The following NOTO variants were observed in gnomAD, a reference collection of about 807,000 sequenced individuals.
NOTO encodes homeobox protein notochord.
A neutral mutation model predicts 20.5 loss-of-function variants in NOTO; 19 were observed. That is an observed-to-expected ratio of 0.93 (90% CI 0.65 to 1.36). The LOEUF is 1.36. Ranked by LOEUF, NOTO falls within the 40% of genes most tolerant of loss-of-function variation. The pLI, the probability that NOTO is intolerant of heterozygous loss-of-function variation, is 0.00. For synonymous variants in NOTO, 150 were observed against 150.2 expected (o/e 1.00, Z 0.01); for missense variants, 369 against 336.2 (o/e 1.10, Z -0.76).
Position 73,202,866 on chromosome 2 carries a change from A to T in NOTO, c.200A>T (p.Gln67Leu), listed in dbSNP as rs981530876. The T allele has an allele frequency of 9.2e-6, 14 of 1,526,504 alleles. No homozygotes were observed. Among genetic ancestry groups the T allele is most frequent in the Non-Finnish European group, 1.2e-5 (14 of 1,142,226 alleles). 94.6% of individuals were successfully genotyped at this position (1,526,504 alleles called of 1,614,324 possible). A position where few individuals can be genotyped will look rare whatever the true frequency, so the allele number is the denominator to read the frequency against. The change falls in exon 1 of 3, where the codon CAG becomes CTG. Residue 67 changes from glutamine to leucine, a missense_variant. Gln to Leu is a moderately radical substitution (Grantham distance 113). Transcript: ENST00000398468. The stretch of plus-strand genomic sequence containing the variant: ...GACCCCTGCGCGCCGGCGGCCTCCC[A>T]GCCGTCGGGCTCCGCCTGCGTCCAC... ...RPDPCAPAASQPSGSACVHPA... is the reference protein window; with the variant it reads ...RPDPCAPAASLPSGSACVHPA...
intron 1 of NOTO, among the ~76,000 whole-genome samples, chr2:73,206,897 C>T (rs535679705): frequency 2.5e-4 from 37 of 149,572 alleles, no homozygotes; most frequent in African/African-American, 8.1e-4. Context: ...CAGGTTCAAG[C>T]GATTCTCCTG....
intron 1 of NOTO, among the ~76,000 whole-genome samples, chr2:73,206,432 G>A (rs1308566424): frequency 2.0e-5 from 3 of 152,162 alleles, no homozygotes; most frequent in Middle Eastern, 3.4e-3. Context: ...TCTGCCTCCC[G>A]AGCTCAAGTG....
Position 73,208,515 on chromosome 2 carries a change from G to A in NOTO, c.498G>A (p.Glu166=), listed in dbSNP as rs1340338495. ...QKRVRTMFNL[E]QLEELEKVFA... is the part of the protein sequence containing the mutation. ...GAGTCCGAACTATGTTTAACTTGGA[G>A]CAGCTGGAAGAGTTGGAGAAAGTGT... Residue 166 remains glutamate (E), a synonymous_variant, in exon 2 of 3, where the codon GAG becomes GAA. Coordinates refer to ENST00000398468, the MANE Select transcript of NOTO (RefSeq NM_001134462.2). The A allele has an allele frequency of 4.5e-6, 7 of 1,551,478 alleles. No individual in the cohort carries two copies. The Admixed American group carries it at 1.2e-4, about 26-fold the overall frequency.
rs1307841794 is a variant in NOTO at position 73,208,487 on chromosome 2, A to G, written c.470A>G (p.Lys157Arg). The G allele has an allele frequency of 6.4e-7, 1 of 1,551,602 alleles. No individual in the cohort carries two copies. Among genetic ancestry groups the G allele is most frequent in the Admixed American group, 2.0e-5 (1 of 51,012 alleles). The change falls in exon 2 of 3, where the codon AAG becomes AGG. Residue 157 changes from lysine to arginine, a missense_variant. Coordinates refer to ENST00000398468, the MANE Select transcript of NOTO (RefSeq NM_001134462.2). ...CTACAGGACACTGAGAGACAGCAAA[A>G]GAGAGTCCGAACTATGTTTAACTTG... is the stretch of plus-strand genomic sequence containing the variant. ...EDLQDTERQQ[K>R]RVRTMFNLEQ... is the part of the protein sequence containing the mutation.
chr2:73,208,656 G>T (rs1322401761), intron 2 of NOTO, 42 bp downstream of exon 2: 2 of 1,290,786 alleles, frequency 1.5e-6, no homozygotes, highest in Admixed American at 2.0e-5. Context: ...TGCACCTGGG[G>T]ACAAACACTA....
At chr2:73,206,562 C>T (rs1471428796) in intron 1 of NOTO, among the ~76,000 whole-genome samples, 1 of 152,054 alleles carries the variant, frequency 6.6e-6, no homozygotes, top group African/African-American at 2.4e-5. Context: ...TGGTCTCAAA[C>T]TCCTGGGCTC....
chr2:73,208,031 G>C (rs948984506), intron 1 of NOTO, among the ~76,000 whole-genome samples: 3 of 152,218 alleles, frequency 2.0e-5, no homozygotes, highest in Non-Finnish European at 4.4e-5. Context: ...AATTAAAAGG[G>C]TGAACCCCTG....
chr2:73,208,378 C>T, intron 1 of NOTO, 22 bp from the exon 2 acceptor site: 1 of 1,526,606 alleles, frequency 6.6e-7, no homozygotes, highest in Non-Finnish European at 8.9e-7. Context: ...GATAACCTCC[C>T]CTGCTGCTGG....
chr2:73,204,098 CA>C lies in NOTO; in HGVS notation c.382+1071del, dbSNP rs1189040660. ...TGGGCGACAGAGCGAAACTCCGTCT[CA>C]AAAAAAAAAAAAAAAAAAAAGACAA... On this transcript the variant is annotated intron_variant, in intron 1 of 2. Coordinates refer to ENST00000398468, the MANE Select transcript of NOTO (RefSeq NM_001134462.2). 9.3e-3 allele frequency among the ~76,000 whole-genome samples: 255 copies of C among 27,368 alleles called. 2 individuals are homozygous for C. Among genetic ancestry groups the C allele is most frequent in the African/African-American group, 0.025 (104 of 4,124 alleles). The allele number at this position is 27,368 out of a possible 152,430, so 18.0% of individuals were successfully genotyped here. A position where few individuals can be genotyped will look rare whatever the true frequency, so the allele number is the denominator to read the frequency against.
Position 73,211,137 on chromosome 2 carries a change from C to A in NOTO, c.*208C>A. The stretch of plus-strand genomic sequence containing the variant: ...ACAGACTCTGGCCTTCAGCTATGTC[C>A]TTGGCCAACCTATGGAACTTCCGAG... On this transcript the variant is annotated 3_prime_UTR_variant, in exon 3 of 3. Transcript: ENST00000398468. The A allele has an allele frequency of 1.9e-6, 1 of 524,094 alleles. No homozygotes were observed. Among genetic ancestry groups the A allele is most frequent in the Non-Finnish European group, 3.4e-6 (1 of 297,054 alleles). 32.5% of individuals were successfully genotyped at this position (524,094 alleles called of 1,614,324 possible). A position where few individuals can be genotyped will look rare whatever the true frequency, so the allele number is the denominator to read the frequency against.
chr2:73,207,950 A>AT (rs1349328164), intron 1 of NOTO, among the ~76,000 whole-genome samples: 1 of 152,142 alleles, frequency 6.6e-6, no homozygotes, highest in East Asian at 1.9e-4. Context: ...AACGACAGAG[A>AT]TTTTCTGTTT....
At chr2:73,207,411 C>G (rs552072513) in intron 1 of NOTO, among the ~76,000 whole-genome samples, 1 of 152,172 alleles carries the variant, frequency 6.6e-6, no homozygotes, top group Non-Finnish European at 1.5e-5. Flanking sequence ...TACTATACCC[C>G]CAGATAGCCC....
At chr2:73,204,074 G>C (rs1481213772) in intron 1 of NOTO, among the ~76,000 whole-genome samples, 1 of 84,740 alleles carries the variant, frequency 1.2e-5, no homozygotes, top group Non-Finnish European at 2.3e-5. Flanking sequence ...ACTCCAGCCT[G>C]GGCGACAGAG....
rs376078715 is a variant in NOTO, at chr2:73,204,503, C to T, written c.382+1455C>T. Reference sequence around the variant, plus strand: ...CTACTCCGTGGCACCCACCCCAATCCTGCATTTCCTCACCCCATTTCAGCA... The same window carrying T: ...CTACTCCGTGGCACCCACCCCAATCTTGCATTTCCTCACCCCATTTCAGCA... On this transcript the variant is annotated intron_variant, in intron 1 of 2. Transcript: ENST00000398468. Among the ~76,000 whole-genome samples the T allele has an allele frequency of 4.6e-5, 7 of 152,270 alleles. No homozygotes were observed. In the East Asian group the frequency reaches 9.6e-4, roughly 21 times the overall value.
chr2:73,210,593 A>G (rs1034674136), intron 2 of NOTO, among the ~76,000 whole-genome samples, 178 bp from the exon 3 acceptor site: 1 of 152,232 alleles, frequency 6.6e-6, no homozygotes, highest in Non-Finnish European at 1.5e-5. Flanking sequence ...GAAACTCAGT[A>G]AATACTCAGA....
rs1686029208 is a variant in NOTO, at chr2:73,203,060, C to T, written c.382+12C>T. The T allele has an allele frequency of 2.2e-6, 3 of 1,373,214 alleles. No homozygotes were observed. Among genetic ancestry groups the T allele is most frequent in the African/African-American group, 1.5e-5 (1 of 65,118 alleles). 85.1% of individuals were successfully genotyped at this position (1,373,214 alleles called of 1,614,324 possible). A position where few individuals can be genotyped will look rare whatever the true frequency, so the allele number is the denominator to read the frequency against. Reference sequence around the variant, plus strand: ...CTTCGGCGTCACAGGTACTGCGGTCCCGGCGCCCGCACGCGGGGGACTGGG... The same window carrying T: ...CTTCGGCGTCACAGGTACTGCGGTCTCGGCGCCCGCACGCGGGGGACTGGG... On this transcript the variant is annotated intron_variant, in intron 1 of 2. Transcript: ENST00000398468.
Position 73,203,055 on chromosome 2 carries a change from C to G in NOTO, c.382+7C>G. 8 of 1,375,562 alleles carry G rather than the reference C, an allele frequency of 5.8e-6. No homozygotes were observed. The highest frequency in any genetic ancestry group is 7.5e-6 in the Non-Finnish European group (8 of 1,070,344). The allele number at this position is 1,375,562 out of a possible 1,614,324, so 85.2% of individuals were successfully genotyped here. A position where few individuals can be genotyped will look rare whatever the true frequency, so the allele number is the denominator to read the frequency against. ...CTGGGCTTCGGCGTCACAGGTACTGCGGTCCCGGCGCCCGCACGCGGGGGA... is the reference window on the plus strand; with the variant it reads ...CTGGGCTTCGGCGTCACAGGTACTGGGGTCCCGGCGCCCGCACGCGGGGGA... On this transcript the variant is annotated splice_region_variant and intron_variant, in intron 1 of 2. Transcript: ENST00000398468.
At chr2:73,209,022 T>C (rs1438227286) in intron 2 of NOTO, among the ~76,000 whole-genome samples, 1 of 151,540 alleles carries the variant, frequency 6.6e-6, no homozygotes, top group African/African-American at 2.4e-5. Flanking sequence ...CTGTCTCTAC[T>C]AAAAATACAA....
intron 2 of NOTO, among the ~76,000 whole-genome samples, chr2:73,209,773 T>G (rs1268584718): frequency 2.6e-5 from 4 of 152,230 alleles, no homozygotes; most frequent in Admixed American, 2.0e-4. Flanking sequence ...CTTAGATGTC[T>G]CATGGGCACA....
Sources: allele counts gnomAD v4.1 joint callset (sites outside exome capture counted in the v4.1 genomes callset), GRCh38; gene constraint gnomAD v4.1.1; transcripts MANE v1.5; gene names NCBI Gene and HGNC (gene_info 2026-07-23, HGNC 2026-07-21).